The following PHLDB2 variants were observed in gnomAD, a reference collection of about 807,000 sequenced individuals.
PHLDB2 encodes pleckstrin homology-like domain family B member 2.
PHLDB2 carries 71 observed loss-of-function variants against 123.6 expected under a neutral mutation model. The ratio of observed to expected loss-of-function variants is 0.57; its 90% CI spans 0.47 to 0.70. The LOEUF is 0.70. Ranked by LOEUF, PHLDB2 falls within the 30% of genes least tolerant of loss-of-function variation. The pLI is 0.00. For synonymous variants in PHLDB2, 547 were observed against 541.6 expected (o/e 1.01, Z -0.14); for missense variants, 1,446 against 1,519.5 (o/e 0.95, Z 0.80).
chr3:111,911,001 T>C (rs2067853084), intron 2 of PHLDB2, among the ~76,000 whole-genome samples: 1 of 152,226 alleles, frequency 6.6e-6, no homozygotes, highest in African/African-American at 2.4e-5. Context: ...TAGACCAAAC[T>C]TCCTGTTCAC....
chr3:111,897,665 A>G (rs1207809908), intron 2 of PHLDB2, among the ~76,000 whole-genome samples: 1 of 152,270 alleles, frequency 6.6e-6, no homozygotes, highest in African/African-American at 2.4e-5. Flanking sequence ...TAAGAGGAAC[A>G]AATTTCTCAT....
intron 1 of PHLDB2, among the ~76,000 whole-genome samples, chr3:111,788,611 G>A (rs971277593): frequency 2.0e-5 from 3 of 152,238 alleles, no homozygotes; most frequent in Middle Eastern, 6.8e-3. Flanking sequence ...GATTGAAATA[G>A]CTAAACCTAC....
chr3:111,911,629 A>G (rs2067887474), intron 2 of PHLDB2: 22 of 1,536,064 alleles, frequency 1.4e-5, no homozygotes, highest in Admixed American at 2.0e-5. Flanking sequence ...AGAAGAGCCC[A>G]AGATGAGAGT....
At chr3:111,862,915 G>A (rs1434897659) in intron 1 of PHLDB2, among the ~76,000 whole-genome samples, 1 of 152,118 alleles carries the variant, frequency 6.6e-6, no homozygotes, top group Non-Finnish European at 1.5e-5. Context: ...GACTCATAAG[G>A]TCTCAAGCGA....
chr3:111,773,782 A>T (rs1336521331), intron 1 of PHLDB2, among the ~76,000 whole-genome samples: 5 of 152,336 alleles, frequency 3.3e-5, no homozygotes, highest in African/African-American at 1.2e-4. Context: ...ATTATGATGT[A>T]CTATAACATA....
At chr3:111,774,438 C>T (rs1433760416) in intron 1 of PHLDB2, among the ~76,000 whole-genome samples, 1 of 152,164 alleles carries the variant, frequency 6.6e-6, no homozygotes, top group Non-Finnish European at 1.5e-5. Context: ...GGAGATCAGA[C>T]AGCAAAATGC....
chr3:111,754,852 T>C (rs1381920796), intron 1 of PHLDB2, among the ~76,000 whole-genome samples: 9 of 142,690 alleles, frequency 6.3e-5, no homozygotes, highest in Admixed American at 4.2e-4. Flanking sequence ...TGAGAGTTTT[T>C]AGCATGAAGG....
chr3:111,787,856 G>C (rs1230012816), intron 1 of PHLDB2, among the ~76,000 whole-genome samples: 1 of 152,180 alleles, frequency 6.6e-6, no homozygotes, highest in Non-Finnish European at 1.5e-5. Flanking sequence ...CCAAGTTGAA[G>C]ATACACCAAT....
intron 1 of PHLDB2, among the ~76,000 whole-genome samples, chr3:111,766,309 G>C (rs1258236238): frequency 6.6e-6 from 1 of 151,858 alleles, no homozygotes; most frequent in Admixed American, 6.6e-5. Flanking sequence ...CGGGCATGGT[G>C]GTATGCACCT....
intron 1 of PHLDB2, among the ~76,000 whole-genome samples, chr3:111,782,508 C>T (rs1354282483): frequency 1.3e-5 from 2 of 152,082 alleles, no homozygotes. Flanking sequence ...TTACTATTCC[C>T]TCGGTCCAGA....
chr3:111,812,450 T>C (rs552717347), intron 1 of PHLDB2, among the ~76,000 whole-genome samples: 1 of 152,364 alleles, frequency 6.6e-6, no homozygotes, highest in South Asian at 2.1e-4. Flanking sequence ...GTTTATGTGA[T>C]GATCCAATGG....
rs1454148373 is a variant in PHLDB2 at position 111,884,185 on chromosome 3, G to C, written c.108G>C (p.Glu36Asp). 6.2e-7 allele frequency: 1 copy of C among 1,614,042 alleles called. No individual in the cohort carries two copies. The highest frequency in any genetic ancestry group is 1.7e-5 in the Admixed American group (1 of 60,002). ...SVENDSQNMMESLSPKKYSSS... is the reference protein window; with the variant it reads ...SVENDSQNMMDSLSPKKYSSS... ...AGAACGATTCCCAAAACATGATGGA[G>C]AGCCTCAGCCCAAAGAAATACTCTT... The change falls in exon 2 of 18, where the codon GAG becomes GAC. Residue 36 changes from glutamate (E) to aspartate (D), a missense_variant. Glu to Asp is a conservative substitution (Grantham distance 45). Coordinates refer to ENST00000431670, the MANE Select transcript of PHLDB2 (RefSeq NM_001134438.2).
chr3:111,928,876 ATGCCCTCTTGTAC>A (rs2068953253), intron 5 of PHLDB2, among the ~76,000 whole-genome samples: 1 of 152,204 alleles, frequency 6.6e-6, no homozygotes, highest in Non-Finnish European at 1.5e-5. Context: ...GGTTTTATAA[ATGCCCTCTTGTAC>A]ATCTGGATTT....
intron 1 of PHLDB2, among the ~76,000 whole-genome samples, chr3:111,830,537 C>T (rs2062899870): frequency 6.9e-6 from 1 of 145,468 alleles, no homozygotes; most frequent in African/African-American, 2.5e-5. Context: ...GGGCCGGGCG[C>T]GGTGGCTCAC....
At chr3:111,973,866 A>G in intron 17 of PHLDB2, 49 bp downstream of exon 17, 1 of 1,149,312 alleles carries the variant, frequency 8.7e-7, no homozygotes, top group Admixed American at 1.9e-5. Context: ...ATAATTAAGA[A>G]GGGAAAAATA....
intron 1 of PHLDB2, among the ~76,000 whole-genome samples, chr3:111,798,788 T>C (rs2061266458): frequency 6.6e-6 from 1 of 152,174 alleles, no homozygotes; most frequent in Admixed American, 6.5e-5. Context: ...TTTCAAAATA[T>C]ATGCTGAATT....
chr3:111,917,747 G>C (rs1258277329), intron 3 of PHLDB2: 1 of 152,132 alleles, frequency 6.6e-6, no homozygotes, highest in African/African-American at 2.4e-5. Flanking sequence ...AAGCTACAAA[G>C]TAAAGAATAA....
intron 1 of PHLDB2, among the ~76,000 whole-genome samples, chr3:111,752,406 G>C (rs1376366294): frequency 1.3e-5 from 2 of 152,088 alleles, no homozygotes; most frequent in Non-Finnish European, 2.9e-5. Flanking sequence ...AGCTTAAATA[G>C]AAATAATGTT....
intron 1 of PHLDB2, among the ~76,000 whole-genome samples, chr3:111,765,020 C>T (rs1404433682): frequency 1.3e-5 from 2 of 152,212 alleles, no homozygotes; most frequent in Non-Finnish European, 2.9e-5. Flanking sequence ...CCACCCTCTC[C>T]AGTGCCCTAG....
Sources: gnomAD v4.1 joint callset for allele counts (sites outside exome capture counted in the v4.1 genomes callset) on GRCh38, gnomAD v4.1.1 for gene constraint, MANE v1.5 for transcripts, NCBI Gene and HGNC (gene_info 2026-07-23, HGNC 2026-07-21) for gene names.